The following PSMB2 variants were observed in gnomAD, a reference collection of about 807,000 sequenced individuals.
The protein encoded by PSMB2 is proteasome subunit beta type-2.
Under a neutral mutation model 25.7 loss-of-function variants are expected in PSMB2, and 13 were observed. That is an observed-to-expected ratio of 0.51 (90% CI 0.33 to 0.80). PSMB2 has a LOEUF of 0.80. Among genes scored for constraint, PSMB2 ranks in the 30% least tolerant of loss-of-function variants. The pLI is 0.02. For synonymous variants in PSMB2, 87 were observed against 96.2 expected (o/e 0.90, Z 0.56); for missense variants, 202 against 259.0 (o/e 0.78, Z 1.51).
rs1219510952 is a variant in PSMB2, at chr1:35,641,406, G to A, written c.27C>T (p.Gly9=). The part of the protein sequence containing the change: MEYLIGIQ[G]PDYVLVASDR... The stretch of plus-strand genomic sequence containing the variant: ...CGGAGGCGACAAGAACATAGTCGGG[G>A]CCTTGGATACCGATGAGGTACTCCA... The change falls in exon 1 of 6, where the codon GGC becomes GGT. Residue 9 remains glycine, a synonymous_variant. Coordinates refer to ENST00000373237, the MANE Select transcript of PSMB2 (RefSeq NM_002794.5). The A allele has an allele frequency of 2.5e-6, 4 of 1,614,016 alleles. No homozygotes were observed. The highest frequency in any genetic ancestry group is 3.4e-6 in the Non-Finnish European group (4 of 1,180,018).
chr1:35,640,299 T>C (rs1206026528), intron 1 of PSMB2, among the ~76,000 whole-genome samples: 2 of 152,164 alleles, frequency 1.3e-5, no homozygotes, highest in Admixed American at 1.3e-4. Context: ...AGTACCTGCC[T>C]AGTGCTAAGG....
chr1:35,603,834 G>C (rs2148560678), intron 5 of PSMB2, among the ~76,000 whole-genome samples: 1 of 152,246 alleles, frequency 6.6e-6, no homozygotes, highest in Admixed American at 6.5e-5. Flanking sequence ...GAGCCCAGGA[G>C]TTCAAGACCA....
chr1:35,601,194 G>A lies in PSMB2; in HGVS notation c.*2073C>T, dbSNP rs1410747563. 3.2e-6 allele frequency: 2 copies of A among 622,796 alleles called. No individual in the cohort carries two copies. Among genetic ancestry groups the A allele is most frequent in the African/African-American group, 4.1e-5 (2 of 49,232 alleles). 38.6% of individuals were successfully genotyped at this position (622,796 alleles called of 1,614,324 possible). On this transcript the variant is annotated 3_prime_UTR_variant, in exon 6 of 6. Coordinates refer to ENST00000373237, the MANE Select transcript of PSMB2 (RefSeq NM_002794.5). ...CAATTCTCCTGCCTCAGCCTCCCAA[G>A]TAGTTGGGTTTACAGGCGTGTGCCA... is the stretch of plus-strand genomic sequence containing the variant.
At chr1:35,634,577 T>C (rs1411629516) in intron 2 of PSMB2, among the ~76,000 whole-genome samples, 2 of 152,076 alleles carry the variant, frequency 1.3e-5, no homozygotes, top group African/African-American at 2.4e-5. Context: ...AGGGTCTTGC[T>C]TTGTTGCCTA....
At chr1:35,640,194 G>T (rs575727200) in intron 1 of PSMB2, among the ~76,000 whole-genome samples, 1 of 152,044 alleles carries the variant, frequency 6.6e-6, no homozygotes. Context: ...GATCAAAGAC[G>T]TGCTACTGTT....
Position 35,601,682 on chromosome 1 carries a change from T to C in PSMB2, c.*1585A>G, listed in dbSNP as rs1410972005. 4.1e-6 allele frequency: 4 copies of C among 985,278 alleles called. No homozygotes were observed. The African/African-American group carries it at 7.0e-5, about 17-fold the overall frequency. The allele number at this position is 985,278 out of a possible 1,614,324, so 61.0% of individuals were successfully genotyped here. Reference sequence around the variant, plus strand: ...GACAAAACAAAAACCTATCTGTATATGATATTAAGAGGAGCACAGAATTGG... The same window carrying C: ...GACAAAACAAAAACCTATCTGTATACGATATTAAGAGGAGCACAGAATTGG... On this transcript the variant is annotated 3_prime_UTR_variant, in exon 6 of 6. Transcript: ENST00000373237.
At chr1:35,607,508 C>CA (rs1216189936) in intron 4 of PSMB2, among the ~76,000 whole-genome samples, 2 of 151,978 alleles carry the variant, frequency 1.3e-5, no homozygotes, top group Non-Finnish European at 2.9e-5. Context: ...TAGCTATTAT[C>CA]AAAAAGACAA....
intron 3 of PSMB2, among the ~76,000 whole-genome samples, chr1:35,617,436 TAC>T (rs1390128096): frequency 1.3e-5 from 2 of 152,126 alleles, no homozygotes; most frequent in African/African-American, 2.4e-5. Context: ...AAGTAAAAAA[TAC>T]ACAGTTTATA....
chr1:35,628,589 AAAAAAAAATATATATATATATAT>A (rs1406396091), intron 3 of PSMB2, among the ~76,000 whole-genome samples: 1 of 21,410 alleles, frequency 4.7e-5, no homozygotes, highest in Non-Finnish European at 8.4e-5. Flanking sequence ...AAAAAAAAAA[AAAAAAAAATATATATATATATAT>A]ATATATATAT....
chr1:35,605,055 G>T (rs1650121197), intron 5 of PSMB2, among the ~76,000 whole-genome samples, 178 bp downstream of exon 5: 1 of 152,214 alleles, frequency 6.6e-6, no homozygotes, highest in African/African-American at 2.4e-5. Flanking sequence ...ATCTGTGAGA[G>T]AAAAGTGAGC....
At chr1:35,609,088 T>G (rs868048632) in intron 4 of PSMB2, among the ~76,000 whole-genome samples, 158 bp downstream of exon 4, 1 of 152,236 alleles carries the variant, frequency 6.6e-6, no homozygotes, top group Non-Finnish European at 1.5e-5. Flanking sequence ...CCCTACTGAC[T>G]GACAGAAGAG....
At chr1:35,618,724 T>C (rs1180738938) in intron 3 of PSMB2, among the ~76,000 whole-genome samples, 2 of 152,138 alleles carry the variant, frequency 1.3e-5, no homozygotes, top group Non-Finnish European at 2.9e-5. Context: ...CAGTTGCCAC[T>C]CAGAGTGGAG....
intron 4 of PSMB2, among the ~76,000 whole-genome samples, chr1:35,607,908 C>T (rs180701896): frequency 4.8e-5 from 7 of 146,260 alleles, no homozygotes; most frequent in South Asian, 4.6e-4. Context: ...TGGAACTGGA[C>T]GGTATTCTGC....
At chr1:35,618,619 T>C (rs1571129679) in intron 3 of PSMB2, among the ~76,000 whole-genome samples, 6 of 152,112 alleles carry the variant, frequency 3.9e-5, no homozygotes, top group East Asian at 3.9e-4. Context: ...CGTTAGGATG[T>C]TGGTGCATTC....
At chr1:35,640,419 A>G (rs1198772383) in intron 1 of PSMB2, among the ~76,000 whole-genome samples, 1 of 152,208 alleles carries the variant, frequency 6.6e-6, no homozygotes, top group African/African-American at 2.4e-5. Flanking sequence ...ATACAAACTC[A>G]TAAGGCAAAT....
In PSMB2 at chr1:35,601,329, C is replaced by T. The variant is rs924142749; in HGVS notation, c.*1938G>A. On this transcript the variant is annotated 3_prime_UTR_variant, in exon 6 of 6. Coordinates refer to ENST00000373237, the MANE Select transcript of PSMB2 (RefSeq NM_002794.5). ...CAGGTGATCCGCCCGCCTCGGCGGG[C>T]GGCCAAAGTGCTGGGATTACAGGCA... 1.0e-5 allele frequency: 10 copies of T among 966,972 alleles called. No individual in the cohort carries two copies. The highest frequency in any genetic ancestry group is 1.2e-4 in the East Asian group (1 of 8,652). 59.9% of individuals were successfully genotyped at this position (966,972 alleles called of 1,614,324 possible). A position where few individuals can be genotyped will look rare whatever the true frequency, so the allele number is the denominator to read the frequency against.
rs1649943728 is a variant in PSMB2 at position 35,600,039 on chromosome 1, G to A, written c.*3228C>T. The A allele has an allele frequency of 1.6e-6, 1 of 625,322 alleles. No individual in the cohort carries two copies. Among genetic ancestry groups the A allele is most frequent in the African/African-American group, 2.0e-5 (1 of 49,910 alleles). 38.7% of individuals were successfully genotyped at this position (625,322 alleles called of 1,614,324 possible). A position where few individuals can be genotyped will look rare whatever the true frequency, so the allele number is the denominator to read the frequency against. On this transcript the variant is annotated 3_prime_UTR_variant, in exon 6 of 6. Coordinates refer to ENST00000373237, the MANE Select transcript of PSMB2 (RefSeq NM_002794.5). ...TAGTCCCAGCTAGTTGGGAGGCTGG[G>A]GTAAGAGGTTCACTTGAGCCCAGGA...
In PSMB2 at chr1:35,609,401, T is replaced by C. The variant is rs1333979650; in HGVS notation, c.293A>G (p.Tyr98Cys). ...LADCLRSRTP[Y>C]HVNLLLAGYD... Reference sequence around the variant, plus strand: ...GCCAGCCAGGAGGAGGTTCACATGATATGGGGTCTGCAAAGAAAAGATATG... The same window carrying C: ...GCCAGCCAGGAGGAGGTTCACATGACATGGGGTCTGCAAAGAAAAGATATG... Residue 98 changes from tyrosine (Y) to cysteine (C), a missense_variant, in exon 4 of 6, where the codon TAT becomes TGT. Coordinates refer to ENST00000373237, the MANE Select transcript of PSMB2 (RefSeq NM_002794.5). The C allele has an allele frequency of 6.5e-7, 1 of 1,548,554 alleles. No individual in the cohort carries two copies.
At chr1:35,636,546 G>A in intron 1 of PSMB2, 114 bp from the exon 2 acceptor site, 1 of 1,168,792 alleles carries the variant, frequency 8.6e-7, no homozygotes, top group Non-Finnish European at 1.2e-6. Context: ...CATATACATG[G>A]ATTCTGAATC....
Sources: gnomAD v4.1 joint callset for allele counts (sites outside exome capture counted in the v4.1 genomes callset) on GRCh38, gnomAD v4.1.1 for gene constraint, MANE v1.5 for transcripts, NCBI Gene and HGNC (gene_info 2026-07-23, HGNC 2026-07-21) for gene names.